LRFN2: variants seen among roughly 807,000 people sequenced by gnomAD.
LRFN2 encodes the protein leucine rich repeat and fibronectin type III domain containing 2.
A neutral mutation model predicts 37.3 loss-of-function variants in LRFN2; 18 were observed. The observed-to-expected ratio is 0.48, with a 90% CI of 0.33 to 0.72. The LOEUF is 0.72. Among genes scored for constraint, LRFN2 ranks in the 30% least tolerant of loss-of-function variants. The probability of loss-of-function intolerance (pLI) is 0.02; values close to 1 mark genes in which losing one functional copy is unlikely to be tolerated. For missense variants in LRFN2, 1,006 were observed against 1,060.7 expected (o/e 0.95, Z 0.72); for synonymous variants, 556 against 466.6 (o/e 1.19, Z -2.47).
rs963790476 is a variant in LRFN2 at position 40,463,703 on chromosome 6, G to T, written c.-18-30572C>A. On this transcript the variant is annotated intron_variant, in intron 1 of 2. Transcript: ENST00000338305. ...TTTTTTTTTTTTTTTTTGAGGCAGG[G>T]TCTCACTCTGTCACCCAGGCTGGAG... is the stretch of plus-strand genomic sequence containing the variant. Among the ~76,000 whole-genome samples, 4 of 130,880 alleles carry T rather than the reference G, an allele frequency of 3.1e-5. No homozygotes were observed. The East Asian group carries it at 8.5e-4, about 28-fold the overall frequency. The allele number at this position is 130,880 out of a possible 152,430, so 85.9% of individuals were successfully genotyped here.
intron 1 of LRFN2, among the ~76,000 whole-genome samples, chr6:40,561,292 C>T (rs1405118946): frequency 2.0e-5 from 3 of 152,132 alleles, no homozygotes; most frequent in Admixed American, 2.0e-4. Context: ...TGGGCCCAGG[C>T]CCTCACATGG....
intron 2 of LRFN2, among the ~76,000 whole-genome samples, chr6:40,411,172 T>C (rs1256579562): frequency 6.6e-6 from 1 of 152,148 alleles, no homozygotes; most frequent in Non-Finnish European, 1.5e-5. Context: ...GCCCCAGAAA[T>C]TGGCTCACTC....
intron 1 of LRFN2, among the ~76,000 whole-genome samples, chr6:40,543,174 A>G (rs1221120648): frequency 1.3e-5 from 2 of 152,214 alleles, no homozygotes; most frequent in Non-Finnish European, 2.9e-5. Context: ...TTCTCCCTGC[A>G]ATGCATGAAC....
chr6:40,525,765 T>A (rs1162228272), intron 1 of LRFN2, among the ~76,000 whole-genome samples: 1 of 152,126 alleles, frequency 6.6e-6, no homozygotes, highest in Admixed American at 6.5e-5. Context: ...GCTCCAGCCC[T>A]CCCACACTGC....
chr6:40,406,954 C>T (rs1487025053), intron 2 of LRFN2, among the ~76,000 whole-genome samples: 3 of 152,176 alleles, frequency 2.0e-5, no homozygotes, highest in Non-Finnish European at 4.4e-5. Flanking sequence ...CCTACATTGC[C>T]CCAGTCAGAC....
At chr6:40,456,036 T>A (rs1764226635) in intron 1 of LRFN2, among the ~76,000 whole-genome samples, 1 of 151,944 alleles carries the variant, frequency 6.6e-6, no homozygotes, top group Non-Finnish European at 1.5e-5. Flanking sequence ...AGGCAGCCCC[T>A]AGGAAGAAGG....
chr6:40,575,187 C>T (rs1159798391), intron 1 of LRFN2, among the ~76,000 whole-genome samples: 1 of 152,098 alleles, frequency 6.6e-6, no homozygotes, highest in Non-Finnish European at 1.5e-5. Flanking sequence ...AGGGCCTCCT[C>T]ACTGCTGTGC....
At chr6:40,417,269 G>A (rs894565628) in intron 2 of LRFN2, among the ~76,000 whole-genome samples, 4 of 152,118 alleles carry the variant, frequency 2.6e-5, no homozygotes, top group Admixed American at 2.0e-4. Context: ...GCCGGCTGCC[G>A]CTGCTGCCAC....
chr6:40,478,280 C>T (rs1288724411), intron 1 of LRFN2, among the ~76,000 whole-genome samples: 2 of 152,158 alleles, frequency 1.3e-5, no homozygotes, highest in African/African-American at 4.8e-5. Context: ...GAGACCAATG[C>T]TATTATTGGC....
At chr6:40,582,188 G>A (rs1767416946) in intron 1 of LRFN2, among the ~76,000 whole-genome samples, 1 of 152,066 alleles carries the variant, frequency 6.6e-6, no homozygotes, top group African/African-American at 2.4e-5. Flanking sequence ...TGAGGGGAGA[G>A]GACCCAGGCA....
At chr6:40,488,472 G>A (rs1157913718) in intron 1 of LRFN2, among the ~76,000 whole-genome samples, 1 of 151,862 alleles carries the variant, frequency 6.6e-6, no homozygotes, top group Admixed American at 6.6e-5. Context: ...CCTCCCTCCT[G>A]CAGGAAGCCT....
chr6:40,396,686 CTGTG>C (rs3997706), intron 2 of LRFN2, among the ~76,000 whole-genome samples: 18,486 of 134,892 alleles, frequency 0.14, 1,305 homozygotes, highest in East Asian at 0.33. Context: ...TTCCTCTGCT[CTGTG>C]TGTGTGTGTG....
intron 2 of LRFN2, among the ~76,000 whole-genome samples, chr6:40,407,514 G>A (rs1223669668): frequency 6.6e-6 from 1 of 152,132 alleles, no homozygotes; most frequent in African/African-American, 2.4e-5. Context: ...TCCCTTCCTG[G>A]GTCATCTGGT....
At chr6:40,503,847 C>T (rs1765454526) in intron 1 of LRFN2, among the ~76,000 whole-genome samples, 1 of 151,884 alleles carries the variant, frequency 6.6e-6, no homozygotes, top group Non-Finnish European at 1.5e-5. Context: ...CTTTACTATG[C>T]TCGTTGGATG....
chr6:40,584,097 C>G (rs968321369), intron 1 of LRFN2, among the ~76,000 whole-genome samples: 5 of 152,130 alleles, frequency 3.3e-5, no homozygotes, highest in African/African-American at 7.2e-5. Context: ...CTTTCTGGAG[C>G]CTTTTAACAA....
At chr6:40,536,512 A>G (rs1766451301) in intron 1 of LRFN2, among the ~76,000 whole-genome samples, 1 of 152,186 alleles carries the variant, frequency 6.6e-6, no homozygotes. Flanking sequence ...GAGTTAGAAA[A>G]ATGAAAAGAA....
chr6:40,539,594 C>T (rs1766514935), intron 1 of LRFN2, among the ~76,000 whole-genome samples: 1 of 152,190 alleles, frequency 6.6e-6, no homozygotes, highest in South Asian at 2.1e-4. Context: ...CAGGAACTGT[C>T]ATTCAAGTTT....
intron 1 of LRFN2, among the ~76,000 whole-genome samples, chr6:40,462,911 T>C (rs970824847): frequency 7.2e-5 from 11 of 152,200 alleles, no homozygotes; most frequent in African/African-American, 2.4e-4. Context: ...AAAAAAGACA[T>C]TATTTCCCAG....
At chr6:40,491,061 G>A (rs757420263) in intron 1 of LRFN2, among the ~76,000 whole-genome samples, 8 of 152,202 alleles carry the variant, frequency 5.3e-5, no homozygotes, top group African/African-American at 7.2e-5. Context: ...AAGCCATGGC[G>A]GTGGAGATGG....
Sources: gnomAD v4.1 joint callset for allele counts (sites outside exome capture counted in the v4.1 genomes callset) on GRCh38, gnomAD v4.1.1 for gene constraint, MANE v1.5 for transcripts, NCBI Gene and HGNC (gene_info 2026-07-23, HGNC 2026-07-21) for gene names.